HHLA2: variants seen among roughly 807,000 people sequenced by gnomAD.
HHLA2 encodes HHLA2 member of B7 family, also known as HERV-H LTR-associating protein 2.
A neutral mutation model predicts 45.9 loss-of-function variants in HHLA2; 48 were observed. The observed-to-expected ratio is 1.05, with a 90% CI of 0.83 to 1.33. HHLA2 has a LOEUF of 1.33. HHLA2 is among the 40% of genes most tolerant of loss of function. The pLI is 0.00. For missense variants in HHLA2, 462 were observed against 494.3 expected, an observed-to-expected ratio of 0.93 and a Z score of 0.62; for synonymous variants, 161 against 173.9, an observed-to-expected ratio of 0.93 and a Z score of 0.59.
intron 5 of HHLA2, 71 bp from the exon 5 acceptor site, chr3:108,355,044 A>T: frequency 6.9e-7 from 1 of 1,456,480 alleles, no homozygotes; most frequent in South Asian, 1.4e-5. Flanking sequence ...ATTAAAAAGT[A>T]TTCTGCACAG....
intron 3 of HHLA2, among the ~76,000 whole-genome samples, chr3:108,342,759 C>T (rs753663163): frequency 6.6e-6 from 1 of 152,160 alleles, no homozygotes; most frequent in Admixed American, 6.5e-5. Context: ...TTCTCTCTTG[C>T]TGCTGCATCT....
intron 3 of HHLA2, among the ~76,000 whole-genome samples, chr3:108,342,708 T>A (rs1428877261): frequency 6.6e-6 from 1 of 152,220 alleles, no homozygotes; most frequent in Admixed American, 6.5e-5. Flanking sequence ...TTCTCTTCCA[T>A]GTGGACTGCT....
chr3:108,353,643 T>C (rs1276959208), exon 5 of HHLA2: 2 of 1,613,736 alleles, frequency 1.2e-6, no homozygotes, highest in Non-Finnish European at 1.7e-6. Flanking sequence ...AGGACATCCC[T>C]TTTCTATAAT....
At chr3:108,371,806 G>A (rs1441391765) in intron 8 of HHLA2, among the ~76,000 whole-genome samples, 1 of 152,102 alleles carries the variant, frequency 6.6e-6, no homozygotes, top group Admixed American at 6.5e-5. Context: ...CCCAATACAG[G>A]AGCACCCAGA....
At chr3:108,307,197 A>AATGTTTGAT (rs2080944280) in intron 1 of HHLA2, among the ~76,000 whole-genome samples, 1 of 152,072 alleles carries the variant, frequency 6.6e-6, no homozygotes. Flanking sequence ...TTTTAATACA[A>AATGTTTGAT]ATGTTTGATT....
intron 2 of HHLA2, among the ~76,000 whole-genome samples, chr3:108,322,082 T>A (rs1347621935): frequency 6.6e-6 from 1 of 152,198 alleles, no homozygotes; most frequent in Non-Finnish European, 1.5e-5. Flanking sequence ...GGAGGTTGGT[T>A]TCATTTATTT....
chr3:108,354,268 A>G lies in HHLA2; in HGVS notation c.418+488A>G, dbSNP rs185663316. Among the ~76,000 whole-genome samples, 509 of 152,192 alleles carry G rather than the reference A, an allele frequency of 3.3e-3. 5 individuals carry two copies. Among genetic ancestry groups the G allele is most frequent in the African/African-American group, 0.012 (487 of 41,536 alleles). ...ATTAGCTATATATAACACTATACCT[A>G]TATAACTATAAGCCATTAATATAGT... On this transcript the variant is annotated intron_variant, in intron 5 of 10. Coordinates refer to ENST00000619531, the Ensembl canonical transcript of HHLA2.
chr3:108,316,083 GTAAAAAAAAAAAAAA>G (rs934436600), intron 2 of HHLA2, among the ~76,000 whole-genome samples: 1 of 133,248 alleles, frequency 7.5e-6, no homozygotes, highest in Non-Finnish European at 1.6e-5. Flanking sequence ...ATGACAAACA[GTAAAAAAAAAAAAAA>G]TGAAAAAAAA....
At chr3:108,369,954 G>C (rs1183730284) in intron 8 of HHLA2, among the ~76,000 whole-genome samples, 2 of 152,216 alleles carry the variant, frequency 1.3e-5, no homozygotes, top group Non-Finnish European at 2.9e-5. Flanking sequence ...TGACAGCTTT[G>C]AAGAGAGTAG....
At chr3:108,345,011 A>G (rs936261) in intron 3 of HHLA2, among the ~76,000 whole-genome samples, 102,901 of 152,110 alleles carry the variant, frequency 0.68, 35,707 homozygotes, top group African/African-American at 0.77. Flanking sequence ...GTGGATTCCT[A>G]TTCAAGTGCT....
At chr3:108,302,960 G>A (rs2107284862) in intron 1 of HHLA2, among the ~76,000 whole-genome samples, 1 of 152,256 alleles carries the variant, frequency 6.6e-6, no homozygotes, top group Middle Eastern at 3.4e-3. Flanking sequence ...CTTTTGTGGA[G>A]AAGTCAAAGC....
At chr3:108,317,574 T>A (rs972882882) in intron 2 of HHLA2, among the ~76,000 whole-genome samples, 2 of 144,276 alleles carry the variant, frequency 1.4e-5, no homozygotes, top group Admixed American at 1.4e-4. Context: ...GGGAGATTAC[T>A]TCTTTTTTTT....
chr3:108,377,362 AG>A (rs2082293238), exon 11 of HHLA2: 5 of 1,012,028 alleles, frequency 4.9e-6, no homozygotes, highest in Non-Finnish European at 7.6e-6. Context: ...CCACAATTCC[AG>A]GCAATGGCCT....
chr3:108,329,532 CG>C (rs2081348004), intron 3 of HHLA2, among the ~76,000 whole-genome samples: 1 of 152,002 alleles, frequency 6.6e-6, no homozygotes, highest in South Asian at 2.1e-4. Context: ...ATGTTTTCAG[CG>C]GGTCTAAATA....
At chr3:108,314,651 A>G (rs1171699223) in intron 2 of HHLA2, among the ~76,000 whole-genome samples, 2 of 152,174 alleles carry the variant, frequency 1.3e-5, no homozygotes, top group Non-Finnish European at 2.9e-5. Flanking sequence ...GTAGGCTGTG[A>G]ACGAATATTT....
intron 3 of HHLA2, among the ~76,000 whole-genome samples, chr3:108,340,916 C>T (rs200032755): frequency 2.2e-5 from 1 of 44,948 alleles, no homozygotes. Flanking sequence ...TTTTTCCTTC[C>T]TTCCTTCCTT....
At chr3:108,324,299 A>C (rs2081252199) in intron 2 of HHLA2, among the ~76,000 whole-genome samples, 1 of 152,180 alleles carries the variant, frequency 6.6e-6, no homozygotes, top group Non-Finnish European at 1.5e-5. Flanking sequence ...TGAATATGTA[A>C]GCTTTTTTCA....
chr3:108,359,283 C>T (rs1353540893), intron 7 of HHLA2, among the ~76,000 whole-genome samples: 2 of 152,016 alleles, frequency 1.3e-5, no homozygotes, highest in African/African-American at 4.8e-5. Flanking sequence ...ACATCAGGAC[C>T]ATTCCATCTC....
intron 2 of HHLA2, among the ~76,000 whole-genome samples, chr3:108,312,031 G>A (rs937334545): frequency 1.3e-5 from 2 of 152,122 alleles, no homozygotes; most frequent in Admixed American, 6.5e-5. Context: ...AGGCACAGGC[G>A]GAAAACGGGA....
Sources: gnomAD v4.1 joint callset for allele counts (sites outside exome capture counted in the v4.1 genomes callset) on GRCh38, gnomAD v4.1.1 for gene constraint, MANE v1.5 for transcripts, NCBI Gene and HGNC (gene_info 2026-07-23, HGNC 2026-07-21) for gene names.